The following PIK3C3 variants were observed in gnomAD, a reference collection of about 807,000 sequenced individuals.
PIK3C3 encodes PI3-kinase type 3.
PIK3C3 carries 95 observed loss-of-function variants against 126.1 expected under a neutral mutation model. The observed-to-expected ratio is 0.75, with a 90% CI of 0.64 to 0.89. PIK3C3 has a LOEUF of 0.89. Among genes scored for constraint, PIK3C3 ranks in the 40% least tolerant of loss-of-function variants. PIK3C3 has a pLI of 0.00. For synonymous variants in PIK3C3, 374 were observed against 360.0 expected (o/e 1.04, Z -0.44); for missense variants, 829 against 1,063.2 (o/e 0.78, Z 3.06).
At chr18:42,033,393 C>T (rs1983913392) in intron 15 of PIK3C3, among the ~76,000 whole-genome samples, 1 of 152,080 alleles carries the variant, frequency 6.6e-6, no homozygotes, top group South Asian at 2.1e-4. Flanking sequence ...TTTTTAAACT[C>T]AAAAAATGCA....
intron 3 of PIK3C3, among the ~76,000 whole-genome samples, chr18:41,963,826 CTT>C (rs71370022): frequency 5.3e-4 from 71 of 134,076 alleles, no homozygotes; most frequent in Admixed American, 2.2e-3. Context: ...AAATTCTTTG[CTT>C]TTTTTTTTTT....
intron 2 of PIK3C3, among the ~76,000 whole-genome samples, chr18:41,958,382 G>A (rs532820255): frequency 4.6e-5 from 7 of 152,284 alleles, no homozygotes; most frequent in Non-Finnish European, 8.8e-5. Flanking sequence ...TGATCAGCGA[G>A]TGTTATTCAG....
In PIK3C3 at chr18:42,017,102, A is replaced by G. The variant is rs554599628; in HGVS notation, c.1416+1536A>G. On this transcript the variant is annotated intron_variant, in intron 12 of 24. Transcript: ENST00000262039. The stretch of plus-strand genomic sequence containing the variant: ...GTTCAGGTATCCAGAAAAGAGTGGC[A>G]ATCATTTTGAGTGATATTTCTATCT... Among the ~76,000 whole-genome samples the G allele has an allele frequency of 5.0e-4, 76 of 152,212 alleles. No homozygotes were observed. In the South Asian group the frequency reaches 0.015, roughly 30 times the overall value.
At chr18:42,020,577 C>T in intron 12 of PIK3C3, 61 bp from the exon 13 acceptor site, 2 of 1,067,730 alleles carry the variant, frequency 1.9e-6, no homozygotes, top group Non-Finnish European at 2.8e-6. Flanking sequence ...TGTAAACTTA[C>T]TTATTTTCCC....
chr18:42,031,745 T>G (rs1983839805), intron 15 of PIK3C3, among the ~76,000 whole-genome samples: 1 of 152,216 alleles, frequency 6.6e-6, no homozygotes, highest in African/African-American at 2.4e-5. Context: ...TAAAATAAAT[T>G]AACACTTTCA....
chr18:41,984,461 T>A lies in PIK3C3; in HGVS notation c.532-3351T>A, dbSNP rs1377666724. Among the ~76,000 whole-genome samples the A allele has an allele frequency of 3.9e-5, 6 of 152,134 alleles. No homozygotes were observed. The East Asian group carries it at 5.8e-4, about 15-fold the overall frequency. On this transcript the variant is annotated intron_variant, in intron 4 of 24. Coordinates refer to ENST00000262039, the MANE Select transcript of PIK3C3 (RefSeq NM_002647.4). The stretch of plus-strand genomic sequence containing the variant: ...TAGTTTTATAAAATTAATAAAAAAA[T>A]TTAATATAATTAATAACTAATTATT...
chr18:41,998,757 C>T (rs1357653985), intron 9 of PIK3C3, among the ~76,000 whole-genome samples: 1 of 152,086 alleles, frequency 6.6e-6, no homozygotes, highest in African/African-American at 2.4e-5. Context: ...ATGGAGTAAA[C>T]CAAATATATA....
At chr18:42,026,677 T>A (rs1353133472) in intron 13 of PIK3C3, 1 of 152,170 alleles carries the variant, frequency 6.6e-6, no homozygotes, top group Admixed American at 6.5e-5. Flanking sequence ...CCTCAAGTGA[T>A]CCTCCTTCCT....
intron 10 of PIK3C3, among the ~76,000 whole-genome samples, chr18:42,004,911 C>T (rs1205993511): frequency 6.6e-6 from 1 of 152,188 alleles, no homozygotes; most frequent in Non-Finnish European, 1.5e-5. Flanking sequence ...CAGTATACAA[C>T]AAGCCACATT....
At chr18:41,970,752 C>T (rs1980625432) in intron 4 of PIK3C3, 1 of 551,810 alleles carries the variant, frequency 1.8e-6, no homozygotes, top group African/African-American at 1.9e-5. Flanking sequence ...TTTCTGCTCC[C>T]TGCAGTTAGT....
rs756940062 is a variant in PIK3C3, at chr18:42,086,619, G to T, written c.*5482G>T. The T allele has an allele frequency of 6.6e-6, 1 of 152,150 alleles. No homozygotes were observed. Among genetic ancestry groups the T allele is most frequent in the Non-Finnish European group, 1.5e-5 (1 of 68,040 alleles). The allele number at this position is 152,150 out of a possible 1,614,324, so 9.4% of individuals were successfully genotyped here. A position where few individuals can be genotyped will look rare whatever the true frequency, so the allele number is the denominator to read the frequency against. On this transcript the variant is annotated 3_prime_UTR_variant, in exon 25 of 25. Coordinates refer to ENST00000262039, the MANE Select transcript of PIK3C3 (RefSeq NM_002647.4). ...CGGTCATCCTCACTGCTCATTATAC[G>T]CTAGTTATAATGCATTGACATGCTA...
At chr18:42,078,377 C>T (rs1986110768) in intron 24 of PIK3C3, among the ~76,000 whole-genome samples, 1 of 91,156 alleles carries the variant, frequency 1.1e-5, no homozygotes, top group Non-Finnish European at 1.9e-5. Flanking sequence ...GAGCGAGACT[C>T]TGTCTCAAAA....
chr18:41,984,657 GCTGCCTAAAGTC>G (rs914167290), intron 4 of PIK3C3, among the ~76,000 whole-genome samples: 5 of 152,100 alleles, frequency 3.3e-5, no homozygotes, highest in African/African-American at 1.2e-4. Context: ...GACTTTTTCT[GCTGCCTAAAGTC>G]CAGCCAAGAG....
intron 10 of PIK3C3, among the ~76,000 whole-genome samples, chr18:42,011,319 G>A (rs1433321489): frequency 6.6e-6 from 1 of 152,196 alleles, no homozygotes; most frequent in African/African-American, 2.4e-5. Context: ...AAACTTTGTG[G>A]TGTAGTATAG....
chr18:42,004,662 T>G, intron 10 of PIK3C3, 121 bp downstream of exon 10: 1 of 736,992 alleles, frequency 1.4e-6, no homozygotes, highest in Middle Eastern at 2.7e-4. Flanking sequence ...CAAGAGAGAT[T>G]TTTAGAAGGG....
At chr18:42,049,237 G>A (rs1247506578) in intron 20 of PIK3C3, 2 of 226,460 alleles carry the variant, frequency 8.8e-6, no homozygotes, top group African/African-American at 2.3e-5. Flanking sequence ...TGTCCAATTT[G>A]ATATTAGAAT....
intron 4 of PIK3C3, 91 bp from the exon 5 acceptor site, chr18:41,987,721 T>C: frequency 1.3e-6 from 1 of 770,462 alleles, no homozygotes; most frequent in East Asian, 2.6e-5. Flanking sequence ...GAAAGTATCA[T>C]ATGTGAAGTG....
chr18:41,969,170 T>C (rs1980525626), intron 3 of PIK3C3, among the ~76,000 whole-genome samples: 1 of 151,932 alleles, frequency 6.6e-6, no homozygotes, highest in African/African-American at 2.4e-5. Context: ...ATGAAATGCT[T>C]TAGATTTGCC....
chr18:42,050,126 G>A (rs927005976), intron 21 of PIK3C3: 1 of 152,290 alleles, frequency 6.6e-6, no homozygotes, highest in African/African-American at 2.4e-5. Flanking sequence ...TGGTCATTTT[G>A]CCCACACTTC....
Sources: gnomAD v4.1 joint callset for allele counts (sites outside exome capture counted in the v4.1 genomes callset) on GRCh38, gnomAD v4.1.1 for gene constraint, MANE v1.5 for transcripts, NCBI Gene and HGNC (gene_info 2026-07-23, HGNC 2026-07-21) for gene names.